SLC16A12: variants seen among roughly 807,000 people sequenced by gnomAD.
SLC16A12 encodes monocarboxylate transporter 12.
In SLC16A12, 17 loss-of-function variants were observed where a neutral mutation model predicts 42.4. The observed-to-expected ratio is 0.40, with a 90% confidence interval of 0.27 to 0.60. SLC16A12 has a LOEUF of 0.60. SLC16A12 is among the 20% of genes least tolerant of loss of function. The pLI is 0.42. For synonymous variants in SLC16A12, 224 were observed against 229.4 expected (o/e 0.98, Z 0.21); for missense variants, 544 against 623.0 (o/e 0.87, Z 1.35).
Position 89,460,667 on chromosome 10 carries a change from T to C in SLC16A12, c.200+1712A>G, listed in dbSNP as rs941763347. On this transcript the variant is annotated intron_variant, in intron 3 of 7. Transcript: ENST00000371790. ...GGCTGAGGCAGGAGAATCGCTTGAA[T>C]CTGGGAGGCGGAGGTTACAGTGAGT... 2.7e-5 allele frequency among the ~76,000 whole-genome samples: 4 copies of C among 148,618 alleles called. No homozygotes were observed. The Admixed American group carries it at 2.7e-4, about 10-fold the overall frequency.
chr10:89,454,472 C>T (rs1351067397), intron 3 of SLC16A12, among the ~76,000 whole-genome samples: 1 of 152,100 alleles, frequency 6.6e-6, no homozygotes, highest in African/African-American at 2.4e-5. Flanking sequence ...GAACACCAAT[C>T]AGATCCTAAT....
At chr10:89,454,842 C>G (rs1457763592) in intron 3 of SLC16A12, among the ~76,000 whole-genome samples, 1 of 152,054 alleles carries the variant, frequency 6.6e-6, no homozygotes, top group African/African-American at 2.4e-5. Flanking sequence ...CTTCACTAGA[C>G]TGTTACCCTG....
intron 2 of SLC16A12, among the ~76,000 whole-genome samples, chr10:89,522,600 A>C (rs1275415437): frequency 6.6e-6 from 1 of 152,204 alleles, no homozygotes; most frequent in Non-Finnish European, 1.5e-5. Context: ...CTCAGCAAAA[A>C]TGTATTGCAC....
intron 5 of SLC16A12, 54 bp downstream of exon 5, chr10:89,441,054 C>T: frequency 6.2e-7 from 1 of 1,606,306 alleles, no homozygotes; most frequent in South Asian, 1.1e-5. Context: ...TGTTGATGTG[C>T]TTGGAAACCC....
In SLC16A12 at chr10:89,534,568, G is replaced by T. The variant is rs913700422; in HGVS notation, c.-114C>A. ...CACGCCTGTAATCCCATCACTTTGG[G>T]AGGCTAAAGCGGGCAGATCGCTTGA... On this transcript the variant is annotated 5_prime_UTR_variant, in exon 2 of 8. Coordinates refer to ENST00000371790, the MANE Select transcript of SLC16A12 (RefSeq NM_213606.4). 6.7e-6 allele frequency: 1 copy of T among 149,676 alleles called. No individual in the cohort carries two copies. Among genetic ancestry groups the T allele is most frequent in the Admixed American group, 6.6e-5 (1 of 15,038 alleles). 9.3% of individuals were successfully genotyped at this position (149,676 alleles called of 1,614,324 possible). A position where few individuals can be genotyped will look rare whatever the true frequency, so the allele number is the denominator to read the frequency against.
At chr10:89,445,112 G>A (rs756370510) in intron 3 of SLC16A12, among the ~76,000 whole-genome samples, 5 of 152,244 alleles carry the variant, frequency 3.3e-5, no homozygotes, top group Non-Finnish European at 7.3e-5. Flanking sequence ...AAACTGGGTG[G>A]AGCCCACTGC....
intron 2 of SLC16A12, among the ~76,000 whole-genome samples, chr10:89,547,164 G>T (rs1843746498): frequency 6.6e-6 from 1 of 152,064 alleles, no homozygotes; most frequent in East Asian, 1.9e-4. Flanking sequence ...TTAGAAGAAT[G>T]AATTTAAAAA....
intron 2 of SLC16A12, among the ~76,000 whole-genome samples, chr10:89,512,029 T>C (rs987423979): frequency 6.6e-6 from 1 of 152,242 alleles, no homozygotes; most frequent in African/African-American, 2.4e-5. Context: ...GAAGACATTA[T>C]GCTAAGTGAA....
chr10:89,454,442 AT>A (rs1246662700), intron 3 of SLC16A12, among the ~76,000 whole-genome samples: 2 of 152,062 alleles, frequency 1.3e-5, no homozygotes, highest in Non-Finnish European at 2.9e-5. Flanking sequence ...CCTTCAGTAC[AT>A]TCTACACCCA....
intron 2 of SLC16A12, among the ~76,000 whole-genome samples, chr10:89,516,132 A>C (rs1843246958): frequency 6.6e-6 from 1 of 152,164 alleles, no homozygotes; most frequent in Non-Finnish European, 1.5e-5. Flanking sequence ...TACTCTTATT[A>C]GTTATTTGTT....
intron 5 of SLC16A12, among the ~76,000 whole-genome samples, chr10:89,440,061 T>C (rs529721388): frequency 4.1e-5 from 4 of 97,824 alleles, no homozygotes; most frequent in East Asian, 6.3e-4. Flanking sequence ...CCGAGCCAGA[T>C]AGACCCTGTC....
At chr10:89,456,091 A>T (rs1362708339) in intron 3 of SLC16A12, 1 of 152,242 alleles carries the variant, frequency 6.6e-6, no homozygotes, top group Non-Finnish European at 1.5e-5. Context: ...AACATCTGGC[A>T]TACTAGAATT....
intron 2 of SLC16A12, among the ~76,000 whole-genome samples, chr10:89,472,294 A>G (rs1339656226): frequency 2.8e-5 from 1 of 36,336 alleles, no homozygotes; most frequent in African/African-American, 1.2e-4. Flanking sequence ...CATTAATAAT[A>G]ATGTAATAAT....
intron 2 of SLC16A12, among the ~76,000 whole-genome samples, chr10:89,473,267 T>G (rs749383863): frequency 6.6e-6 from 1 of 152,196 alleles, no homozygotes; most frequent in Non-Finnish European, 1.5e-5. Context: ...AGACTTGTTC[T>G]AAAACCAGAG....
intron 2 of SLC16A12, among the ~76,000 whole-genome samples, chr10:89,507,674 C>T (rs1843086930): frequency 6.6e-6 from 1 of 152,166 alleles, no homozygotes; most frequent in Non-Finnish European, 1.5e-5. Context: ...CATCAACTAA[C>T]AGGCAAACTA....
intron 2 of SLC16A12, among the ~76,000 whole-genome samples, chr10:89,522,162 C>T (rs1290564687): frequency 6.6e-6 from 1 of 152,240 alleles, no homozygotes; most frequent in Non-Finnish European, 1.5e-5. Context: ...TACCTGTCAT[C>T]ACAAGGTGAA....
intron 3 of SLC16A12, among the ~76,000 whole-genome samples, chr10:89,459,406 T>G (rs761979369): frequency 6.6e-6 from 1 of 151,938 alleles, no homozygotes; most frequent in Non-Finnish European, 1.5e-5. Flanking sequence ...TGTATGTTTG[T>G]GTGTGTGTAG....
intron 2 of SLC16A12, among the ~76,000 whole-genome samples, chr10:89,483,739 AAAAAAAAAAAAAAAC>A (rs1311357572): frequency 7.8e-6 from 1 of 128,470 alleles, no homozygotes; most frequent in African/African-American, 3.4e-5. Context: ...CGCTGCCTCT[AAAAAAAAAAAAAAAC>A]AAAAAAAAAA....
chr10:89,436,914 A>AAGAAAGAAAGAAAGAAAGAAAG (rs796398100), intron 6 of SLC16A12, among the ~76,000 whole-genome samples: 1 of 136,564 alleles, frequency 7.3e-6, no homozygotes, highest in African/African-American at 2.8e-5. Flanking sequence ...GAAAGAAAGA[A>AAGAAAGAAAGAAAGAAAGAAAG]AAAGAAAGAG....
Sources: gnomAD v4.1 joint callset for allele counts (sites outside exome capture counted in the v4.1 genomes callset) on GRCh38, gnomAD v4.1.1 for gene constraint, MANE v1.5 for transcripts, NCBI Gene and HGNC (gene_info 2026-07-23, HGNC 2026-07-21) for gene names.